OXR1: variants seen among roughly 807,000 people sequenced by gnomAD.
OXR1 encodes the protein oxidation resistance protein 1.
A neutral mutation model predicts 104.6 loss-of-function variants in OXR1; 41 were observed. The ratio of observed to expected loss-of-function variants is 0.39; its 90% CI spans 0.31 to 0.51. The LOEUF (loss-of-function observed/expected upper bound fraction) is 0.51. OXR1 is among the 20% of genes least tolerant of loss of function. The pLI is 0.77. For synonymous variants in OXR1, 348 were observed against 348.4 expected, an observed-to-expected ratio of 1.00 and a Z score of 0.01; for missense variants, 955 against 1,031.9, an observed-to-expected ratio of 0.93 and a Z score of 1.02.
intron 3 of OXR1, among the ~76,000 whole-genome samples, chr8:106,674,319 G>T (rs1827348171): frequency 6.6e-6 from 1 of 152,190 alleles, no homozygotes; most frequent in African/African-American, 2.4e-5. Context: ...TGACTGCCCT[G>T]CCAGATTTTG....
chr8:106,663,225 T>G (rs11996910), intron 3 of OXR1, among the ~76,000 whole-genome samples: 3,463 of 152,294 alleles, frequency 0.023, 42 homozygotes, highest in East Asian at 0.039. Context: ...TTATCCTATT[T>G]TCCTTTTGAA....
intron 3 of OXR1, among the ~76,000 whole-genome samples, chr8:106,670,942 G>C (rs567684860): frequency 1.3e-5 from 2 of 150,606 alleles, no homozygotes; most frequent in Non-Finnish European, 1.5e-5. Context: ...CTATTTGGGA[G>C]GCTGAGGCAC....
At chr8:106,738,119 A>G (rs1223703726) in intron 12 of OXR1, among the ~76,000 whole-genome samples, 2 of 152,152 alleles carry the variant, frequency 1.3e-5, no homozygotes, top group African/African-American at 4.8e-5. Flanking sequence ...AGAACTGGAT[A>G]AATTACTTAA....
chr8:106,666,520 G>A (rs899629042), intron 3 of OXR1, among the ~76,000 whole-genome samples: 3 of 152,172 alleles, frequency 2.0e-5, no homozygotes, highest in African/African-American at 7.2e-5. Context: ...AATAGGGATA[G>A]GGACTGTGGC....
chr8:106,367,086 G>A (rs527988723), intron 2 of OXR1, among the ~76,000 whole-genome samples: 1 of 147,192 alleles, frequency 6.8e-6, no homozygotes, highest in South Asian at 2.1e-4. Context: ...TTTTTGAGAC[G>A]GAGTCTTGCC....
chr8:106,632,868 G>A (rs190107002), intron 3 of OXR1, among the ~76,000 whole-genome samples: 2 of 152,188 alleles, frequency 1.3e-5, no homozygotes, highest in African/African-American at 4.8e-5. Flanking sequence ...GAGCCCAGGA[G>A]GCAGAGGTTG....
At chr8:106,665,452 G>A (rs1563682421) in intron 3 of OXR1, among the ~76,000 whole-genome samples, 1 of 152,132 alleles carries the variant, frequency 6.6e-6, no homozygotes, top group African/African-American at 2.4e-5. Context: ...TGTAATATAT[G>A]TAAGAGAACT....
intron 3 of OXR1, among the ~76,000 whole-genome samples, chr8:106,561,498 C>T (rs1816677359): frequency 6.6e-6 from 1 of 152,182 alleles, no homozygotes; most frequent in African/African-American, 2.4e-5. Flanking sequence ...GATAAAACTC[C>T]CATCTCCCTG....
At chr8:106,415,362 A>T (rs948592289) in intron 2 of OXR1, among the ~76,000 whole-genome samples, 4 of 152,128 alleles carry the variant, frequency 2.6e-5, no homozygotes, top group Non-Finnish European at 4.4e-5. Flanking sequence ...CTGCCATTTG[A>T]TTTAACAGCT....
chr8:106,403,248 A>T (rs890306853), intron 2 of OXR1, among the ~76,000 whole-genome samples: 11 of 152,356 alleles, frequency 7.2e-5, no homozygotes, highest in African/African-American at 2.4e-4. Flanking sequence ...TTCGAGAAAC[A>T]TCATGATCAA....
chr8:106,306,056 T>C (rs1460273730), intron 1 of OXR1, among the ~76,000 whole-genome samples: 1 of 152,020 alleles, frequency 6.6e-6, no homozygotes, highest in Non-Finnish European at 1.5e-5. Flanking sequence ...TCTTTTTTTT[T>C]TCATTAAAAT....
At chr8:106,482,315 G>A (rs1377404) in intron 2 of OXR1, among the ~76,000 whole-genome samples, 1 of 151,506 alleles carries the variant, frequency 6.6e-6, no homozygotes, top group African/African-American at 2.4e-5. Flanking sequence ...AGAATTAAAA[G>A]CCCTCCCCAA....
chr8:106,284,943 T>A (rs1285027259), intron 1 of OXR1, among the ~76,000 whole-genome samples: 1 of 152,184 alleles, frequency 6.6e-6, no homozygotes, highest in East Asian at 1.9e-4. Flanking sequence ...TGAAAAATAG[T>A]CCCTTATAGG....
chr8:106,387,609 G>T (rs1050112580), intron 2 of OXR1, among the ~76,000 whole-genome samples: 2 of 152,114 alleles, frequency 1.3e-5, no homozygotes, highest in Non-Finnish European at 2.9e-5. Flanking sequence ...CAAGGGTCAC[G>T]GCAGAGCTCA....
intron 2 of OXR1, among the ~76,000 whole-genome samples, chr8:106,405,816 T>C (rs181766236): frequency 3.5e-4 from 53 of 152,190 alleles, no homozygotes; most frequent in Non-Finnish European, 6.0e-4. Flanking sequence ...CAAGATGAGT[T>C]CAGCCGAAAT....
At chr8:106,698,398 G>A (rs1421786685) in intron 7 of OXR1, among the ~76,000 whole-genome samples, 2 of 151,978 alleles carry the variant, frequency 1.3e-5, no homozygotes, top group African/African-American at 4.8e-5. Context: ...TTTTGCTGGG[G>A]GTTCCTTTAG....
chr8:106,518,840 C>T lies in OXR1; in HGVS notation c.24-103C>T, dbSNP rs572923091. On this transcript the variant is annotated intron_variant, in intron 2 of 16. Coordinates refer to ENST00000517566, the MANE Select transcript of OXR1 (RefSeq NM_001198533.2). ...CATTTCTGAATAGATGTGGTTCTAT[C>T]TCAAGGTTAAATATAACTCAATTGT... The T allele has an allele frequency of 1.6e-5, 12 of 745,418 alleles. No individual in the cohort carries two copies. The South Asian group carries it at 2.5e-4, about 16-fold the overall frequency. The allele number at this position is 745,418 out of a possible 1,614,324, so 46.2% of individuals were successfully genotyped here.
At chr8:106,448,296 T>C (rs1820113771) in intron 2 of OXR1, among the ~76,000 whole-genome samples, 1 of 152,206 alleles carries the variant, frequency 6.6e-6, no homozygotes, top group South Asian at 2.1e-4. Context: ...ATGTTTGCTG[T>C]GCAGTATTCA....
At chr8:106,337,978 T>C (rs542500586) in intron 1 of OXR1, among the ~76,000 whole-genome samples, 1 of 152,332 alleles carries the variant, frequency 6.6e-6, no homozygotes, top group South Asian at 2.1e-4. Context: ...GTGGGAAAAC[T>C]CAGAGCATTC....
Sources: gnomAD v4.1 joint callset for allele counts (sites outside exome capture counted in the v4.1 genomes callset) on GRCh38, gnomAD v4.1.1 for gene constraint, MANE v1.5 for transcripts, NCBI Gene and HGNC (gene_info 2026-07-23, HGNC 2026-07-21) for gene names.